WDPCP: variants seen among roughly 807,000 people sequenced by gnomAD.
WDPCP encodes WD repeat containing planar cell polarity effector.
In WDPCP, 71 loss-of-function variants were observed where a neutral mutation model predicts 93.1. The observed-to-expected ratio is 0.76, with a 90% CI of 0.63 to 0.93. The LOEUF (loss-of-function observed/expected upper bound fraction) is 0.93, where lower values mean the gene tolerates loss of function less well. Among genes scored for constraint, WDPCP ranks in the 40% least tolerant of loss-of-function variants. WDPCP has a pLI of 0.00. For synonymous variants in WDPCP, 315 were observed against 315.0 expected (o/e 1.00, Z 0.00); for missense variants, 844 against 887.4 (o/e 0.95, Z 0.62).
At chr2:63,687,279 T>C (rs1261931814) in intron 2 of WDPCP, among the ~76,000 whole-genome samples, 1 of 152,214 alleles carries the variant, frequency 6.6e-6, no homozygotes, top group Non-Finnish European at 1.5e-5. Context: ...GGCAAAGATT[T>C]CTTGAATAAT....
chr2:63,312,063 A>G (rs1424064977), intron 13 of WDPCP, among the ~76,000 whole-genome samples: 3 of 152,192 alleles, frequency 2.0e-5, no homozygotes, highest in Non-Finnish European at 4.4e-5. Context: ...CTCTGCATGT[A>G]TAGATTTTGA....
chr2:63,414,486 C>CACACACACACACACATATATAT (rs1318206835), intron 9 of WDPCP, among the ~76,000 whole-genome samples: 34 of 151,924 alleles, frequency 2.2e-4, no homozygotes, highest in Middle Eastern at 3.4e-3. Context: ...CACACACACA[C>CACACACACACACACATATATAT]ACACACACAC....
chr2:63,778,128 G>C (rs1212055678), intron 2 of WDPCP, among the ~76,000 whole-genome samples: 1 of 152,076 alleles, frequency 6.6e-6, no homozygotes, highest in Middle Eastern at 3.2e-3. Context: ...CTCTGATTAT[G>C]CCTTTTCCTT....
rs34946446 is a variant in WDPCP at position 63,526,055 on chromosome 2, C to CTGTGTG, written c.76-33121_76-33116dup. Among the ~76,000 whole-genome samples, 41 of 148,834 alleles carry CTGTGTG rather than the reference C, an allele frequency of 2.8e-4. No homozygotes were observed. The South Asian group carries it at 3.4e-3, about 12-fold the overall frequency. ...AATACTTCTGTTGTTGCTGTTGCTA[C>CTGTGTG]TGTGTGTGTGTGTGTGTGTGTGTGT... is the stretch of plus-strand genomic sequence containing the variant. On this transcript the variant is annotated intron_variant, in intron 1 of 17. Coordinates refer to ENST00000272321, the MANE Select transcript of WDPCP (RefSeq NM_015910.7).
chr2:63,643,689 A>T, intron 3 of WDPCP: 1 of 480,562 alleles, frequency 2.1e-6, no homozygotes. Flanking sequence ...ACTTGTACTT[A>T]GCCTCCTCAG....
At chr2:63,793,432 A>AT (rs1395892332) in intron 2 of WDPCP, among the ~76,000 whole-genome samples, 2 of 152,160 alleles carry the variant, frequency 1.3e-5, no homozygotes, top group African/African-American at 2.4e-5. Context: ...AAATAGCAAG[A>AT]TCCCATCTCT....
chr2:63,508,821 C>CA, intron 1 of WDPCP, among the ~76,000 whole-genome samples: 1 of 151,542 alleles, frequency 6.6e-6, no homozygotes, highest in East Asian at 1.9e-4. Flanking sequence ...CAACAAAGAT[C>CA]AAAAAAGACA....
chr2:63,268,378 G>C (rs1682336971), intron 13 of WDPCP, among the ~76,000 whole-genome samples: 1 of 152,088 alleles, frequency 6.6e-6, no homozygotes, highest in African/African-American at 2.4e-5. Flanking sequence ...TTAGACCGTA[G>C]GAATAAGTTT....
At chr2:63,722,224 T>C (rs1302893860) in intron 2 of WDPCP, among the ~76,000 whole-genome samples, 2 of 137,882 alleles carry the variant, frequency 1.5e-5, no homozygotes, top group Non-Finnish European at 3.1e-5. Context: ...TCTGCCTGGC[T>C]GCCCAGTCTG....
upstream of WDPCP, among the ~76,000 whole-genome samples, chr2:63,829,758 T>TTAG (rs1476925190): frequency 4.6e-5 from 7 of 152,142 alleles, no homozygotes; most frequent in Non-Finnish European, 1.0e-4. Context: ...ATTTGCTCTG[T>TTAG]TAGAATAATC....
intron 2 of WDPCP, among the ~76,000 whole-genome samples, chr2:63,654,924 G>T (rs561662976): frequency 1.3e-5 from 2 of 152,112 alleles, no homozygotes; most frequent in African/African-American, 4.8e-5. Context: ...GACTGTACTG[G>T]GATTAAGCTT....
At chr2:63,307,541 A>G (rs1685837180) in intron 13 of WDPCP, among the ~76,000 whole-genome samples, 1 of 152,162 alleles carries the variant, frequency 6.6e-6, no homozygotes, top group African/African-American at 2.4e-5. Flanking sequence ...CCAAAAACAG[A>G]TATATAGGCA....
At chr2:63,416,687 CT>C (rs1197474285) in intron 9 of WDPCP, among the ~76,000 whole-genome samples, 3 of 152,058 alleles carry the variant, frequency 2.0e-5, no homozygotes, top group Non-Finnish European at 2.9e-5. Context: ...CCACGTCCAG[CT>C]AATTTTTGTA....
chr2:63,253,088 T>C (rs1227349634), intron 14 of WDPCP, among the ~76,000 whole-genome samples: 1 of 151,804 alleles, frequency 6.6e-6, no homozygotes, highest in Non-Finnish European at 1.5e-5. Context: ...TGTAACAAAA[T>C]AGAGAACACT....
rs993741647 is a variant in WDPCP at position 63,344,927 on chromosome 2, C to T, written c.1749-31616G>A. ...GGTGATACACAGGTAACCAAAATGC[C>T]ACCATGCTTTCTAACCAAAATTTAG... On this transcript the variant is annotated intron_variant, in intron 12 of 17. Coordinates refer to ENST00000272321, the MANE Select transcript of WDPCP (RefSeq NM_015910.7). Among the ~76,000 whole-genome samples, 3 of 152,188 alleles carry T rather than the reference C, an allele frequency of 2.0e-5. No individual in the cohort carries two copies. The East Asian group carries it at 5.8e-4, about 29-fold the overall frequency.
At chr2:63,265,818 T>C (rs1411181457) in intron 13 of WDPCP, among the ~76,000 whole-genome samples, 1 of 152,144 alleles carries the variant, frequency 6.6e-6, no homozygotes, top group Non-Finnish European at 1.5e-5. Flanking sequence ...TTCACCATGA[T>C]GAAGTGGTAT....
At chr2:63,721,832 C>T (rs1669419774) in intron 2 of WDPCP, among the ~76,000 whole-genome samples, 1 of 152,036 alleles carries the variant, frequency 6.6e-6, no homozygotes, top group African/African-American at 2.4e-5. Context: ...CTCACTGCAA[C>T]CTCCCTGCCT....
intron 13 of WDPCP, among the ~76,000 whole-genome samples, chr2:63,279,391 G>A (rs1683335681): frequency 6.6e-6 from 1 of 152,046 alleles, no homozygotes; most frequent in Non-Finnish European, 1.5e-5. Flanking sequence ...GCAGAAAAAG[G>A]ATTAGACAAA....
intron 14 of WDPCP, among the ~76,000 whole-genome samples, chr2:63,187,200 T>C (rs1280274657): frequency 6.6e-6 from 1 of 152,214 alleles, no homozygotes; most frequent in Non-Finnish European, 1.5e-5. Flanking sequence ...CTTTTGGTTA[T>C]TGTCTGCATA....
Sources: allele counts gnomAD v4.1 joint callset (sites outside exome capture counted in the v4.1 genomes callset), GRCh38; gene constraint gnomAD v4.1.1; transcripts MANE v1.5; gene names NCBI Gene and HGNC (gene_info 2026-07-23, HGNC 2026-07-21).